Variants in RAD51 observed in about 807,000 individuals in gnomAD.
The protein encoded by RAD51 is DNA repair protein RAD51 homolog 1.
Under a neutral mutation model 41.5 loss-of-function variants are expected in RAD51, and 14 were observed. The ratio of observed to expected loss-of-function variants is 0.34; its 90% CI spans 0.22 to 0.53. The LOEUF is 0.53. Ranked by LOEUF, RAD51 falls within the 20% of genes least tolerant of loss-of-function variation. RAD51 has a pLI of 0.95. For synonymous variants in RAD51, 136 were observed against 148.6 expected, an observed-to-expected ratio of 0.92 and a Z score of 0.62; for missense variants, 234 against 422.0, an observed-to-expected ratio of 0.55 and a Z score of 3.90.
At chr15:40,726,655 C>G (rs1001089870) in intron 6 of RAD51, among the ~76,000 whole-genome samples, 2 of 151,676 alleles carry the variant, frequency 1.3e-5, no homozygotes, top group Admixed American at 1.3e-4. Flanking sequence ...TGGCTCATGC[C>G]TGTAATCCCA....
intron 3 of RAD51, chr15:40,701,828 G>T (rs1455987913): frequency 1.5e-5 from 4 of 265,234 alleles, no homozygotes; most frequent in Non-Finnish European, 2.9e-5. Context: ...TCTGTTGCCA[G>T]GCTGGAGTGC....
Position 40,718,887 on chromosome 15 carries a change from C to T in RAD51, c.518C>T (p.Ala173Val), listed in dbSNP as rs1896120881. Residue 173 changes from alanine to valine, a missense_variant, in exon 6 of 10, where the codon GCA becomes GTA. By Grantham distance (64) the Ala-to-Val change is moderately conservative. Transcript: ENST00000267868. Reference protein sequence around the residue: ...EGTFRPERLLAVAERYGLSGS... With the variant: ...EGTFRPERLLVVAERYGLSGS... ...ACCTTTAGGCCAGAACGGCTGCTGGCAGTGGCTGAGAGGTAGGTTACTGGT... is the reference window on the plus strand; with the variant it reads ...ACCTTTAGGCCAGAACGGCTGCTGGTAGTGGCTGAGAGGTAGGTTACTGGT... 2 of 1,610,852 alleles carry T rather than the reference C, an allele frequency of 1.2e-6. No individual in the cohort carries two copies. The highest frequency in any genetic ancestry group is 1.7e-6 in the Non-Finnish European group (2 of 1,177,138).
chr15:40,708,143 G>T (rs963852480), intron 4 of RAD51, among the ~76,000 whole-genome samples: 1 of 146,994 alleles, frequency 6.8e-6, no homozygotes, highest in African/African-American at 2.5e-5. Flanking sequence ...TCCGCCTCCC[G>T]AGTAGCTGGG....
At chr15:40,726,314 T>C (rs1896581155) in intron 6 of RAD51, among the ~76,000 whole-genome samples, 1 of 149,204 alleles carries the variant, frequency 6.7e-6, no homozygotes, top group Non-Finnish European at 1.5e-5. Flanking sequence ...TACAGTGGCG[T>C]GATATTGGCT....
chr15:40,697,847 GGCCC>G (rs1180934880), intron 1 of RAD51, among the ~76,000 whole-genome samples: 16 of 152,138 alleles, frequency 1.1e-4, no homozygotes, highest in Admixed American at 9.2e-4. Flanking sequence ...CACTCCACCT[GGCCC>G]AAGATGATAT....
intron 3 of RAD51, chr15:40,701,764 A>C (rs1895010912): frequency 3.9e-6 from 1 of 258,186 alleles, no homozygotes; most frequent in South Asian, 3.4e-5. Context: ...AGTTTTATGT[A>C]GTATAAAGCA....
chr15:40,708,922 A>C (rs1895522577), intron 4 of RAD51, 103 bp from the exon 5 acceptor site: 1 of 1,069,932 alleles, frequency 9.3e-7, no homozygotes, highest in African/African-American at 1.6e-5. Flanking sequence ...TTGAATTTTT[A>C]ACTTACATAA....
At chr15:40,707,009 G>A (rs1349531027) in intron 4 of RAD51, among the ~76,000 whole-genome samples, 1 of 151,884 alleles carries the variant, frequency 6.6e-6, no homozygotes, top group Non-Finnish European at 1.5e-5. Context: ...TTTATTTTTC[G>A]AGACAGGGTC....
At chr15:40,706,627 G>T (rs746966052) in intron 4 of RAD51, among the ~76,000 whole-genome samples, 1 of 152,138 alleles carries the variant, frequency 6.6e-6, no homozygotes, top group Admixed American at 6.6e-5. Context: ...ACTTGAACCC[G>T]GAAGACGGAG....
rs1323985359 is a variant in RAD51, at chr15:40,731,483, G to A, written c.*305G>A. 1.9e-5 allele frequency: 8 copies of A among 426,800 alleles called. No individual in the cohort carries two copies. Among genetic ancestry groups the A allele is most frequent in the Non-Finnish European group, 3.1e-5 (7 of 229,430 alleles). 26.4% of individuals were successfully genotyped at this position (426,800 alleles called of 1,614,324 possible). The stretch of plus-strand genomic sequence containing the variant: ...AGGAATGACTTGGGTTTAACAAGCT[G>A]TCTACTGGACAATCTTATGTTTCCA... On this transcript the variant is annotated 3_prime_UTR_variant, in exon 10 of 10. Coordinates refer to ENST00000267868, the MANE Select transcript of RAD51 (RefSeq NM_002875.5).
intron 5 of RAD51, among the ~76,000 whole-genome samples, chr15:40,710,241 CAAAAAAAAAAAAAAAAA>C (rs71104728): frequency 3.6e-4 from 16 of 44,312 alleles, no homozygotes; most frequent in Admixed American, 3.3e-3. Flanking sequence ...GACTCTGTCT[CAAAAAAAAAAAAAAAAA>C]AAAAAAAAAA....
In RAD51 at chr15:40,732,258, A is replaced by C. The variant is rs1433715522; in HGVS notation, c.*1080A>C. ...AGGGGTGATCAGTTTCTGTTGCTTC[A>C]AGATTTGAAACCAGAAAGGAAAGTC... On this transcript the variant is annotated 3_prime_UTR_variant, in exon 10 of 10. Coordinates refer to ENST00000267868, the MANE Select transcript of RAD51 (RefSeq NM_002875.5). 1 of 178,758 alleles carries C rather than the reference A, an allele frequency of 5.6e-6. No homozygotes were observed. The highest frequency in any genetic ancestry group is 1.2e-5 in the Non-Finnish European group (1 of 83,464). The allele number at this position is 178,758 out of a possible 1,614,324, so 11.1% of individuals were successfully genotyped here.
chr15:40,698,443 C>T (rs1464270558), intron 1 of RAD51, among the ~76,000 whole-genome samples: 2 of 152,112 alleles, frequency 1.3e-5, no homozygotes, highest in African/African-American at 4.8e-5. Context: ...GCCTCGGCCT[C>T]CCAAAGTGCT....
chr15:40,709,190 G>A (rs1487800527), intron 5 of RAD51, 74 bp downstream of exon 5: 1 of 1,313,780 alleles, frequency 7.6e-7, no homozygotes, highest in African/African-American at 1.5e-5. Flanking sequence ...GCATCTGTTA[G>A]GATGGCCATA....
intron 3 of RAD51, among the ~76,000 whole-genome samples, chr15:40,703,489 T>C (rs974764162): frequency 2.0e-5 from 3 of 152,234 alleles, no homozygotes; most frequent in Non-Finnish European, 2.9e-5. Context: ...ATTTAAACAT[T>C]ATGAAAGTTT....
chr15:40,718,528 AAAG>A (rs1445104212), intron 5 of RAD51, among the ~76,000 whole-genome samples: 1 of 152,080 alleles, frequency 6.6e-6, no homozygotes, highest in Non-Finnish European at 1.5e-5. Context: ...AAAAAAAAAA[AAAG>A]AAGAAAAGAA....
chr15:40,714,308 A>G (rs559824276), intron 5 of RAD51, among the ~76,000 whole-genome samples: 1 of 152,316 alleles, frequency 6.6e-6, no homozygotes, highest in East Asian at 1.9e-4. Flanking sequence ...GCTGTTTAAA[A>G]TGTCACTCTT....
intron 5 of RAD51, among the ~76,000 whole-genome samples, chr15:40,718,466 C>T (rs908302303): frequency 2.7e-5 from 4 of 150,672 alleles, no homozygotes; most frequent in Middle Eastern, 6.9e-3. Context: ...TGCAGTGAAC[C>T]GAGATAACGC....
At chr15:40,717,037 C>G (rs115731718) in intron 5 of RAD51, among the ~76,000 whole-genome samples, 15 of 151,648 alleles carry the variant, frequency 9.9e-5, no homozygotes, top group African/African-American at 3.6e-4. Flanking sequence ...AAAAAAAATT[C>G]TCAAAGATAA....
Sources: allele counts gnomAD v4.1 joint callset (sites outside exome capture counted in the v4.1 genomes callset), GRCh38; gene constraint gnomAD v4.1.1; transcripts MANE v1.5; gene names NCBI Gene and HGNC (gene_info 2026-07-23, HGNC 2026-07-21).